Variants in SORCS2 observed in about 807,000 individuals in gnomAD.
SORCS2 encodes the protein VPS10 domain-containing receptor SorCS2.
In SORCS2, 100 loss-of-function variants were observed where a neutral mutation model predicts 141.6. The observed-to-expected ratio is 0.71, with a 90% CI of 0.60 to 0.83. The LOEUF is 0.83. Ranked by LOEUF, SORCS2 falls within the 40% of genes least tolerant of loss-of-function variation. The probability of loss-of-function intolerance (pLI) is 0.00; values close to 1 mark genes in which losing one functional copy is unlikely to be tolerated. For missense variants in SORCS2, 1,646 were observed against 1,560.2 expected (o/e 1.05, Z -0.93); for synonymous variants, 789 against 676.9 (o/e 1.17, Z -2.57).
intron 17 of SORCS2, among the ~76,000 whole-genome samples, chr4:7,717,673 T>C (rs987726306): frequency 6.6e-6 from 1 of 152,168 alleles, no homozygotes; most frequent in African/African-American, 2.4e-5. Flanking sequence ...GACCGTGAAA[T>C]TGAAACTGGC....
chr4:7,678,976 G>T (rs988593941), intron 9 of SORCS2, among the ~76,000 whole-genome samples: 1 of 152,158 alleles, frequency 6.6e-6, no homozygotes, highest in Non-Finnish European at 1.5e-5. Flanking sequence ...GCAGAGCAGC[G>T]CCTGTTTCCA....
intron 2 of SORCS2, among the ~76,000 whole-genome samples, chr4:7,526,530 G>A (rs920024301): frequency 1.3e-5 from 2 of 150,808 alleles, no homozygotes; most frequent in African/African-American, 5.0e-5. Context: ...GGGATGAATC[G>A]GCGGAGAACA....
intron 18 of SORCS2, among the ~76,000 whole-genome samples, chr4:7,721,901 C>CT (rs1356140085): frequency 1.3e-5 from 2 of 151,744 alleles, no homozygotes; most frequent in Non-Finnish European, 2.9e-5. Context: ...TTTAATTTTT[C>CT]TTTAAGCACC....
intron 2 of SORCS2, among the ~76,000 whole-genome samples, chr4:7,436,867 G>T (rs1430119741): frequency 6.6e-6 from 1 of 152,218 alleles, no homozygotes; most frequent in African/African-American, 2.4e-5. Flanking sequence ...TCTCTGCTGG[G>T]TCTTATGGAG....
At chr4:7,318,544 C>T (rs189753981) in intron 1 of SORCS2, among the ~76,000 whole-genome samples, 40 of 152,326 alleles carry the variant, frequency 2.6e-4, no homozygotes, top group African/African-American at 6.7e-4. Flanking sequence ...TTTAACTCTT[C>T]GTGCCCAGTT....
In SORCS2 at chr4:7,714,328, C is replaced by G. The variant is rs752937206; in HGVS notation, c.2078C>G (p.Ala693Gly). Residue 693 changes from alanine to glycine, a missense_variant, in exon 16 of 27, where the codon GCG becomes GGG. Physicochemically the swap from Ala to Gly is moderately conservative, Grantham distance 60. Transcript: ENST00000507866. ...ATCAAGGGGAGGAGCTTCACGTCGG[C>G]GCTCACGTCCCGCGTGTGCGAGTGC... ...WCIKGRSFTS[A>G]LTSRVCECRD... The G allele has an allele frequency of 1.3e-6, 2 of 1,579,806 alleles. No homozygotes were observed. Among genetic ancestry groups the G allele is most frequent in the African/African-American group, 1.3e-5 (1 of 74,194 alleles).
chr4:7,288,790 GT>G (rs1388911301), intron 1 of SORCS2, among the ~76,000 whole-genome samples: 1 of 121,458 alleles, frequency 8.2e-6, no homozygotes, highest in African/African-American at 2.9e-5. Context: ...TTCATGTGGG[GT>G]GGGGGGGGGA....
At chr4:7,365,203 TG>T (rs1353677951) in intron 1 of SORCS2, among the ~76,000 whole-genome samples, 7 of 152,192 alleles carry the variant, frequency 4.6e-5, no homozygotes, top group Non-Finnish European at 1.0e-4. Context: ...CTGATAGGAC[TG>T]GTATTTTGAA....
intron 1 of SORCS2, among the ~76,000 whole-genome samples, chr4:7,215,787 G>A (rs753932522): frequency 6.6e-6 from 1 of 152,192 alleles, no homozygotes; most frequent in Non-Finnish European, 1.5e-5. Flanking sequence ...CCTGTGTGTC[G>A]AAACTGTGTA....
At position 7,201,733 on chromosome 4, in the gene SORCS2, C is replaced by T. The variant is rs1423002937; in HGVS notation, c.480+8607C>T. On this transcript the variant is annotated intron_variant, in intron 1 of 26. Coordinates refer to ENST00000507866, the MANE Select transcript of SORCS2 (RefSeq NM_020777.3). This position sits in a 1 kb window ranked among gnomAD's most constrained non-coding sequence, Gnocchi z 4.4. ...AGGATGAGTTATTTATAGGTTCTTACGAATGGCCCACTTTGTCCTCGCCCC... is the reference window on the plus strand; with the variant it reads ...AGGATGAGTTATTTATAGGTTCTTATGAATGGCCCACTTTGTCCTCGCCCC... 2.0e-5 allele frequency among the ~76,000 whole-genome samples: 3 copies of T among 152,156 alleles called. No homozygotes were observed. The highest frequency in any genetic ancestry group is 4.4e-5 in the Non-Finnish European group (3 of 68,036).
At chr4:7,229,493 A>G (rs1711662469) in intron 1 of SORCS2, among the ~76,000 whole-genome samples, 1 of 152,094 alleles carries the variant, frequency 6.6e-6, no homozygotes, top group Non-Finnish European at 1.5e-5. Context: ...TCCCAGGGAG[A>G]GTCCACGCTG....
At chr4:7,383,973 C>T (rs760487008) in intron 1 of SORCS2, among the ~76,000 whole-genome samples, 3 of 152,224 alleles carry the variant, frequency 2.0e-5, no homozygotes, top group Non-Finnish European at 4.4e-5. Flanking sequence ...ATCAGCAGCA[C>T]CCGTCCATTT....
chr4:7,619,839 G>A (rs973594511), intron 3 of SORCS2, among the ~76,000 whole-genome samples: 1 of 152,148 alleles, frequency 6.6e-6, no homozygotes, highest in East Asian at 1.9e-4. Flanking sequence ...GTACACGTCT[G>A]TGCACGTGTT....
chr4:7,741,131 A>G lies in SORCS2; in HGVS notation c.*867A>G, dbSNP rs888493930. ...CCGGGTCTGGGCTCTGGAAGGAGCC[A>G]GATGCCCCCAGAAAGGTGGGTGGTG... On this transcript the variant is annotated 3_prime_UTR_variant, in exon 27 of 27. Coordinates refer to ENST00000507866, the MANE Select transcript of SORCS2 (RefSeq NM_020777.3). The G allele has an allele frequency of 2.8e-5, 11 of 398,560 alleles. No homozygotes were observed. The highest frequency in any genetic ancestry group is 2.1e-4 in the African/African-American group (10 of 48,618). 24.7% of individuals were successfully genotyped at this position (398,560 alleles called of 1,614,324 possible).
intron 1 of SORCS2, among the ~76,000 whole-genome samples, chr4:7,208,778 G>A (rs1276545843): frequency 6.6e-6 from 1 of 152,220 alleles, no homozygotes; most frequent in Non-Finnish European, 1.5e-5. Flanking sequence ...GGGGAACCCT[G>A]CAGAGAGCTG....
intron 19 of SORCS2, 79 bp downstream of exon 19, chr4:7,723,962 G>GC (rs1253852897): frequency 6.9e-7 from 1 of 1,448,186 alleles, no homozygotes; most frequent in Non-Finnish European, 9.1e-7. Context: ...ACACAGGGAA[G>GC]CCCCCGGGAT....
intron 25 of SORCS2, 50 bp downstream of exon 25, chr4:7,734,424 A>T: frequency 7.7e-7 from 1 of 1,305,244 alleles, no homozygotes; most frequent in South Asian, 1.5e-5. Context: ...ATGGGGCCGT[A>T]GGAAGCCAGG....
chr4:7,509,136 C>T (rs559029468), intron 2 of SORCS2, among the ~76,000 whole-genome samples: 3 of 152,272 alleles, frequency 2.0e-5, no homozygotes, highest in South Asian at 2.1e-4. Context: ...TTACACGTGG[C>T]GGAAGAGACC....
intron 3 of SORCS2, among the ~76,000 whole-genome samples, chr4:7,552,492 G>T (rs1713788988): frequency 6.6e-6 from 1 of 152,124 alleles, no homozygotes; most frequent in African/African-American, 2.4e-5. Context: ...GCTTCCCCAG[G>T]TTCCCTCTAA....
Sources: allele counts gnomAD v4.1 joint callset (sites outside exome capture counted in the v4.1 genomes callset), GRCh38; gene constraint gnomAD v4.1.1; non-coding constraint Gnocchi (gnomAD v3.1); transcripts MANE v1.5; gene names NCBI Gene and HGNC (gene_info 2026-07-23, HGNC 2026-07-21).